Variants in FBXO34 observed in about 807,000 individuals in gnomAD.
FBXO34 encodes F-box protein 34.
In FBXO34, 12 loss-of-function variants were observed where a neutral mutation model predicts 24.5. That is an observed-to-expected ratio of 0.49 (90% CI 0.31 to 0.79). The LOEUF is 0.79. FBXO34 is among the 30% of genes least tolerant of loss of function. The pLI is 0.04. For synonymous variants in FBXO34, 320 were observed against 311.9 expected (o/e 1.03, Z -0.27); for missense variants, 823 against 857.7 (o/e 0.96, Z 0.51).
At chr14:55,382,593 G>A in the FBXO34 span, among the ~76,000 whole-genome samples, 13 of 152,132 alleles carry the variant, frequency 8.5e-5, no homozygotes. Flanking sequence ...TTATAATCAT[G>A]AGCTACCGTG....
chr14:55,388,173 T>C, the FBXO34 span, among the ~76,000 whole-genome samples: 1,704 of 152,272 alleles, frequency 0.011, 14 homozygotes, highest in Middle Eastern at 0.024. Context: ...GCCATCCTGC[T>C]TAATGTGAAT....
the FBXO34 span, among the ~76,000 whole-genome samples, chr14:55,396,989 C>G: frequency 6.6e-6 from 1 of 152,162 alleles, no homozygotes; most frequent in Admixed American, 6.5e-5. Context: ...AATGTGCAGA[C>G]CATATGTTGT....
intron 1 of FBXO34, among the ~76,000 whole-genome samples, chr14:55,348,148 C>T (rs941598795): frequency 6.6e-6 from 1 of 152,114 alleles, no homozygotes; most frequent in African/African-American, 2.4e-5. Flanking sequence ...TATAAATTGC[C>T]AAAGATCAGA....
chr14:55,383,897 A>G, the FBXO34 span, among the ~76,000 whole-genome samples: 8 of 152,324 alleles, frequency 5.3e-5, no homozygotes, highest in African/African-American at 1.9e-4. Context: ...GTGCCAGGCG[A>G]CAGTACTGGG....
intron 1 of FBXO34, among the ~76,000 whole-genome samples, chr14:55,325,632 C>T (rs113331255): frequency 0.058 from 8,837 of 152,162 alleles, 324 homozygotes; most frequent in South Asian, 0.089. Flanking sequence ...TGTGCCACCA[C>T]GCCCGGCTAA....
At chr14:55,319,789 C>A (rs1302856137) in intron 1 of FBXO34, among the ~76,000 whole-genome samples, 3 of 152,138 alleles carry the variant, frequency 2.0e-5, no homozygotes, top group Admixed American at 1.3e-4. Flanking sequence ...CATTCTCCTG[C>A]CTCAGCCTCC....
chr14:55,418,833 G>C, the FBXO34 span, among the ~76,000 whole-genome samples: 14 of 152,318 alleles, frequency 9.2e-5, no homozygotes, highest in African/African-American at 3.1e-4. Flanking sequence ...AACCAGGAGA[G>C]TGTGTTTTCA....
rs969240049 is a variant in FBXO34 at position 55,351,519 on chromosome 14, C to T, written c.1129C>T (p.Pro377Ser). Reference sequence around the variant, plus strand: ...TGCTTCTCAGGACTGCCCCCCATTGCCAGCAGGAGTGAGTTTCCACATAGA... The same window carrying T: ...TGCTTCTCAGGACTGCCCCCCATTGTCAGCAGGAGTGAGTTTCCACATAGA... ...DGASQDCPPL[P>S]AGVSFHIDSA... Residue 377 changes from proline (P) to serine (S), a missense_variant, in exon 2 of 2, where the codon CCA (proline) becomes TCA (serine). Physicochemically the swap from Pro to Ser is moderately conservative, Grantham distance 74. Around this residue, in one of 2 missense-constraint regions of FBXO34, gnomAD observed 693 missense variants for 659.1 expected, o/e 1.05. Coordinates refer to ENST00000313833, the MANE Select transcript of FBXO34 (RefSeq NM_017943.4). 6.2e-7 allele frequency: 1 copy of T among 1,614,144 alleles called. No individual in the cohort carries two copies. The highest frequency in any genetic ancestry group is 1.3e-5 in the African/African-American group (1 of 75,016).
chr14:55,438,132 G>A, the FBXO34 span, among the ~76,000 whole-genome samples: 1 of 152,132 alleles, frequency 6.6e-6, no homozygotes, highest in Non-Finnish European at 1.5e-5. Context: ...GCTTGCAGGA[G>A]AAACTCAAAA....
At position 55,350,463 on chromosome 14, in the gene FBXO34, ACTC is replaced by A. The variant is rs746382570; in HGVS notation, c.76_78del (p.Pro26del). ...GGAAGTCAGCAGGGAAACGCAGAGA[ACTC>A]CTATGAACCACCAAAAGGCTGTAAA... On this transcript the variant is annotated inframe_deletion, in exon 2 of 2. Transcript: ENST00000313833. The A allele has an allele frequency of 1.2e-6, 2 of 1,612,166 alleles. No homozygotes were observed.
At chr14:55,395,999 C>T in the FBXO34 span, 1 of 1,565,812 alleles carries the variant, frequency 6.4e-7, no homozygotes. Context: ...GGAAAAGAGA[C>T]AGAAAATAAG....
chr14:55,412,125 C>A, the FBXO34 span, among the ~76,000 whole-genome samples: 1 of 152,106 alleles, frequency 6.6e-6, no homozygotes, highest in Non-Finnish European at 1.5e-5. Context: ...AATACCATAC[C>A]CTAAGGATTC....
intron 1 of FBXO34, among the ~76,000 whole-genome samples, chr14:55,329,015 T>A (rs1221572304): frequency 6.6e-6 from 1 of 151,268 alleles, no homozygotes; most frequent in Non-Finnish European, 1.5e-5. Flanking sequence ...ACTCAAATTG[T>A]CCCCCCCGTG....
At chr14:55,355,639 A>C (rs779467432), downstream of FBXO34, among the ~76,000 whole-genome samples, 10 of 152,216 alleles carry the variant, frequency 6.6e-5, no homozygotes, top group Non-Finnish European at 1.5e-4. Context: ...ATGGGAGGCT[A>C]TGCATTGGTT....
At chr14:55,334,852 C>T (rs74990556) in intron 1 of FBXO34, among the ~76,000 whole-genome samples, 8,836 of 152,216 alleles carry the variant, frequency 0.058, 327 homozygotes, top group South Asian at 0.089. Flanking sequence ...AAAGATTGAC[C>T]ACTGCTGCGC....
downstream of FBXO34, among the ~76,000 whole-genome samples, chr14:55,366,158 C>T (rs1292483168): frequency 3.3e-5 from 5 of 152,144 alleles, no homozygotes; most frequent in Non-Finnish European, 5.9e-5. Flanking sequence ...AAGAAAAACA[C>T]GTCTTTAGGG....
At chr14:55,436,423 A>G in the FBXO34 span, 3 of 834,374 alleles carry the variant, frequency 3.6e-6, no homozygotes, top group African/African-American at 1.7e-5. Context: ...GCCACAATCC[A>G]TTTAGAACTG....
At chr14:55,432,690 G>C in the FBXO34 span, among the ~76,000 whole-genome samples, 3 of 152,164 alleles carry the variant, frequency 2.0e-5, no homozygotes, top group African/African-American at 7.2e-5. Flanking sequence ...TCGACACCCA[G>C]TGTCCACAGG....
intron 1 of FBXO34, among the ~76,000 whole-genome samples, chr14:55,295,886 G>T (rs1882104286): frequency 6.6e-6 from 1 of 152,166 alleles, no homozygotes; most frequent in South Asian, 2.1e-4. Context: ...ACAGCTTAGT[G>T]GAACAGTAAT....
Sources: gnomAD v4.1 joint callset for allele counts (sites outside exome capture counted in the v4.1 genomes callset) on GRCh38, gnomAD v4.1.1 for gene constraint, gnomAD v4.1.1 regional missense constraint, MANE v1.5 for transcripts, NCBI Gene and HGNC (gene_info 2026-07-23, HGNC 2026-07-21) for gene names.